Variants in LRRK2 observed in about 807,000 individuals in gnomAD.
The protein encoded by LRRK2 is leucine rich repeat kinase 2.
In LRRK2, 203 loss-of-function variants were observed where a neutral mutation model predicts 302.6. The observed-to-expected ratio is 0.67, with a 90% CI of 0.60 to 0.75. The LOEUF is 0.75. Ranked by LOEUF, LRRK2 falls within the 30% of genes least tolerant of loss-of-function variation. LRRK2 has a pLI of 0.00. For synonymous variants in LRRK2, 1,066 were observed against 1,031.9 expected (o/e 1.03, Z -0.63); for missense variants, 2,830 against 2,951.0 (o/e 0.96, Z 0.95).
intron 3 of LRRK2, among the ~76,000 whole-genome samples, chr12:40,234,472 G>A (rs1303073196): frequency 2.0e-5 from 3 of 147,526 alleles, no homozygotes; most frequent in East Asian, 2.0e-4. Context: ...TCTGTGTCCC[G>A]GGTTCAAGTG....
chr12:40,351,616 A>G lies in LRRK2; in HGVS notation c.6459A>G (p.Glu2153=). ...RILLPKNVIV[E]CMVATHHNSR... is the part of the protein sequence containing the mutation. ...TATTACCTAAAAACGTAATTGTTGA[A>G]TGCATGGTTGCTACACATCACAACA... The change falls in exon 44 of 51, where the codon GAA becomes GAG. Residue 2153 remains glutamate (E), a synonymous_variant. Coordinates refer to ENST00000298910, the MANE Select transcript of LRRK2 (RefSeq NM_198578.4). 2 of 1,614,210 alleles carry G rather than the reference A, an allele frequency of 1.2e-6. No homozygotes were observed. The highest frequency in any genetic ancestry group is 1.7e-6 in the Non-Finnish European group (2 of 1,180,032).
At chr12:40,330,697 T>C (rs1244052703) in intron 39 of LRRK2, among the ~76,000 whole-genome samples, 1 of 152,170 alleles carries the variant, frequency 6.6e-6, no homozygotes, top group East Asian at 1.9e-4. Context: ...CAGTCAAGGC[T>C]CTGCTTCTCT....
chr12:40,341,114 C>A (rs7963697), intron 41 of LRRK2, among the ~76,000 whole-genome samples: 116,819 of 152,072 alleles, frequency 0.77, 45,715 homozygotes, highest in Non-Finnish European at 0.86. Context: ...GGGGCCAGTG[C>A]TCTGTACAGA....
intron 33 of LRRK2, among the ~76,000 whole-genome samples, chr12:40,319,319 G>C (rs1945327828): frequency 6.6e-6 from 1 of 152,014 alleles, no homozygotes; most frequent in Non-Finnish European, 1.5e-5. Flanking sequence ...CAAGGTTACA[G>C]AGCTAGTAGT....
intron 2 of LRRK2, among the ~76,000 whole-genome samples, chr12:40,231,971 T>G (rs1356849773): frequency 6.6e-6 from 1 of 151,736 alleles, no homozygotes; most frequent in East Asian, 1.9e-4. Context: ...GCCTGGCTAA[T>G]TTTTGTATTT....
intron 20 of LRRK2, among the ~76,000 whole-genome samples, chr12:40,289,941 G>A (rs1450493236): frequency 6.6e-6 from 1 of 150,480 alleles, no homozygotes; most frequent in African/African-American, 2.4e-5. Context: ...TTGTCCTATT[G>A]CACTGGCTAG....
intron 39 of LRRK2, among the ~76,000 whole-genome samples, chr12:40,330,838 GTTAC>G (rs1945692199): frequency 6.6e-6 from 1 of 152,034 alleles, no homozygotes; most frequent in Non-Finnish European, 1.5e-5. Context: ...TATAATTTGT[GTTAC>G]TTACTTGACT....
intron 14 of LRRK2, among the ~76,000 whole-genome samples, chr12:40,266,698 C>A (rs372558577): frequency 3.9e-5 from 6 of 152,254 alleles, no homozygotes; most frequent in East Asian, 1.9e-4. Context: ...AAGACACTTG[C>A]ACACCTATGT....
At chr12:40,325,888 G>A (rs1286698364) in intron 38 of LRRK2, among the ~76,000 whole-genome samples, 1 of 152,136 alleles carries the variant, frequency 6.6e-6, no homozygotes, top group Non-Finnish European at 1.5e-5. Flanking sequence ...AAATATAAAT[G>A]TATGGGATTC....
chr12:40,227,176 T>G (rs138873140), intron 2 of LRRK2, among the ~76,000 whole-genome samples: 2,203 of 152,250 alleles, frequency 0.014, 140 homozygotes, highest in Admixed American at 0.098. Context: ...AAGTAATTAA[T>G]TACTTTTTTG....
chr12:40,278,391 G>A (rs1397587728), intron 18 of LRRK2, 130 bp downstream of exon 18: 22 of 1,137,580 alleles, frequency 1.9e-5, no homozygotes, highest in Non-Finnish European at 2.9e-5. Context: ...TATTGCAATT[G>A]TTTGTGTCTT....
chr12:40,301,538 A>G (rs1944626063), intron 25 of LRRK2, among the ~76,000 whole-genome samples: 1 of 152,186 alleles, frequency 6.6e-6, no homozygotes, highest in African/African-American at 2.4e-5. Context: ...TAAGTGGAGA[A>G]TCATTTCGAT....
At chr12:40,352,210 T>A (rs1946373690) in intron 44 of LRRK2, among the ~76,000 whole-genome samples, 1 of 149,458 alleles carries the variant, frequency 6.7e-6, no homozygotes, top group Non-Finnish European at 1.5e-5. Flanking sequence ...AAGGCATTTC[T>A]GGGCAAGCTG....
chr12:40,241,192 A>G (rs994620379), intron 6 of LRRK2, among the ~76,000 whole-genome samples: 1 of 152,188 alleles, frequency 6.6e-6, no homozygotes, highest in African/African-American at 2.4e-5. Context: ...ACATCCCCAA[A>G]TATCCTATCC....
At chr12:40,336,930 C>T (rs1945890502) in intron 40 of LRRK2, among the ~76,000 whole-genome samples, 1 of 152,176 alleles carries the variant, frequency 6.6e-6, no homozygotes, top group Non-Finnish European at 1.5e-5. Context: ...TATTTTTTAA[C>T]ACTGTTCGAA....
intron 7 of LRRK2, among the ~76,000 whole-genome samples, chr12:40,246,340 A>G (rs866918589): frequency 2.6e-5 from 4 of 152,018 alleles, no homozygotes; most frequent in Non-Finnish European, 5.9e-5. Flanking sequence ...TTCCTGATAA[A>G]TTTAACTTGG....
At chr12:40,267,863 G>A (rs1454797210) in intron 14 of LRRK2, among the ~76,000 whole-genome samples, 1 of 152,146 alleles carries the variant, frequency 6.6e-6, no homozygotes, top group Non-Finnish European at 1.5e-5. Context: ...CAATTACAAA[G>A]CATCAGAGGA....
chr12:40,311,258 T>G (rs1945026816), intron 31 of LRRK2, among the ~76,000 whole-genome samples: 2 of 152,166 alleles, frequency 1.3e-5, no homozygotes, highest in African/African-American at 4.8e-5. Flanking sequence ...GCTTTTTATT[T>G]TAGGAATTAT....
chr12:40,354,845 T>A (rs11835417), intron 45 of LRRK2, among the ~76,000 whole-genome samples: 2,467 of 12,792 alleles, frequency 0.19, 21 homozygotes, highest in Middle Eastern at 0.38. Flanking sequence ...AAAAAAAAAA[T>A]ATATATATAT....
Sources: allele counts gnomAD v4.1 joint callset (sites outside exome capture counted in the v4.1 genomes callset), GRCh38; gene constraint gnomAD v4.1.1; transcripts MANE v1.5; gene names NCBI Gene and HGNC (gene_info 2026-07-23, HGNC 2026-07-21).